The following LCOR variants were observed in gnomAD, a reference collection of about 807,000 sequenced individuals.
LCOR encodes ligand-dependent corepressor.
A neutral mutation model predicts 64.4 loss-of-function variants in LCOR; 14 were observed. The ratio of observed to expected loss-of-function variants is 0.22; its 90% CI spans 0.14 to 0.34. LCOR has a LOEUF of 0.34. Ranked by LOEUF, LCOR falls within the 10% of genes least tolerant of loss-of-function variation. The probability of loss-of-function intolerance (pLI) is 1.00; values close to 1 mark genes in which losing one functional copy is unlikely to be tolerated. For synonymous variants in LCOR, 643 were observed against 642.5 expected (o/e 1.00, Z -0.01); for missense variants, 1,686 against 1,765.3 (o/e 0.96, Z 0.80).
intron 2 of LCOR, among the ~76,000 whole-genome samples, chr10:96,849,416 C>T (rs1016835065): frequency 6.6e-6 from 1 of 152,050 alleles, no homozygotes; most frequent in Admixed American, 6.6e-5. Flanking sequence ...TGCCATGTCA[C>T]CCAGGCTGGT....
rs1410231093 is a variant in LCOR, at chr10:96,948,555, C to T, written c.-50-453C>T. ...ATCTCCTTTTATAATCTTGGTATGC[C>T]TTCTGTCTTTAATATAAAGTAAATT... On this transcript the variant is annotated intron_variant, in intron 5 of 7. Transcript: ENST00000421806. Among the ~76,000 whole-genome samples, 14 of 152,218 alleles carry T rather than the reference C, an allele frequency of 9.2e-5. No individual in the cohort carries two copies. In the South Asian group the frequency reaches 2.5e-3, roughly 27 times the overall value.
chr10:96,869,166 C>T (rs779309316), intron 2 of LCOR, among the ~76,000 whole-genome samples: 2 of 152,132 alleles, frequency 1.3e-5, no homozygotes, highest in South Asian at 2.1e-4. Flanking sequence ...TTCGGCCTCC[C>T]AAAGTGCTGG....
At chr10:96,857,236 A>C (rs17112175) in intron 2 of LCOR, among the ~76,000 whole-genome samples, 21,006 of 152,144 alleles carry the variant, frequency 0.14, 1,965 homozygotes, top group African/African-American at 0.26. Flanking sequence ...TGATTTAAGT[A>C]AGTAGAAGAG....
rs1348122554 is a variant in LCOR at position 96,988,159 on chromosome 10, C to CT, written c.*3026dup. ...ATCTTCTATCCTACGAGACTCCCTG[C>CT]TATAGATGGACATGCAGGAGACCAC... On this transcript the variant is annotated 3_prime_UTR_variant, in exon 8 of 8. Coordinates refer to ENST00000421806, the MANE Select transcript of LCOR (RefSeq NM_001346516.2). 2.6e-5 allele frequency: 4 copies of CT among 152,248 alleles called. No homozygotes were observed. Among genetic ancestry groups the CT allele is most frequent in the African/African-American group, 9.6e-5 (4 of 41,456 alleles). The allele number at this position is 152,248 out of a possible 1,614,324, so 9.4% of individuals were successfully genotyped here. A position where few individuals can be genotyped will look rare whatever the true frequency, so the allele number is the denominator to read the frequency against.
intron 2 of LCOR, among the ~76,000 whole-genome samples, chr10:96,901,195 TAATAA>T (rs1054397999): frequency 4.6e-5 from 7 of 151,670 alleles, no homozygotes; most frequent in Admixed American, 6.6e-5. Flanking sequence ...AAAAAAAAAA[TAATAA>T]AATAAAAAGA....
chr10:96,955,306 C>T (rs199809089), intron 7 of LCOR: 42 of 1,613,878 alleles, frequency 2.6e-5, no homozygotes, highest in Non-Finnish European at 1.7e-6. Context: ...GAAAACTCTG[C>T]CTTTCCAAAA....
At chr10:96,906,272 T>C (rs1354542762) in intron 2 of LCOR, among the ~76,000 whole-genome samples, 1 of 152,186 alleles carries the variant, frequency 6.6e-6, no homozygotes, top group Non-Finnish European at 1.5e-5. Context: ...AAAAGTAGTA[T>C]GTATACTGAA....
rs1177925260 is a variant in LCOR, at chr10:96,985,960, G to A, written c.*826G>A. ...CCTGCAAGGCTTCCATCCTACTTCG[G>A]GAGGAAAAAGCCTAGGATTTTTTTT... On this transcript the variant is annotated 3_prime_UTR_variant, in exon 8 of 8. Coordinates refer to ENST00000421806, the MANE Select transcript of LCOR (RefSeq NM_001346516.2). The A allele has an allele frequency of 1.2e-5, 2 of 166,690 alleles. No individual in the cohort carries two copies. The highest frequency in any genetic ancestry group is 2.4e-5 in the African/African-American group (1 of 41,336). The allele number at this position is 166,690 out of a possible 1,614,324, so 10.3% of individuals were successfully genotyped here.
Position 96,981,510 on chromosome 10 carries a change from G to A in LCOR, c.1050G>A (p.Glu350=), listed in dbSNP as rs768692125. ...ATTTGTTCAAAGCTTTATCAGAAGA[G>A]GCTTGGAACTCAGGGTTTATGGGGA... is the stretch of plus-strand genomic sequence containing the variant. ...QRNLFKALSE[E]AWNSGFMGNS... The change falls in exon 8 of 8, where the codon GAG becomes GAA. Residue 350 remains glutamate (E), a synonymous_variant. Coordinates refer to ENST00000421806, the MANE Select transcript of LCOR (RefSeq NM_001346516.2). 26 of 1,614,184 alleles carry A rather than the reference G, an allele frequency of 1.6e-5. No individual in the cohort carries two copies. Among genetic ancestry groups the A allele is most frequent in the Non-Finnish European group, 2.1e-5 (25 of 1,180,034 alleles).
intron 2 of LCOR, among the ~76,000 whole-genome samples, chr10:96,886,156 G>T (rs900181101): frequency 6.6e-6 from 1 of 152,124 alleles, no homozygotes; most frequent in South Asian, 2.1e-4. Flanking sequence ...GGGATTACAG[G>T]TATGAGCCAC....
chr10:96,885,071 A>G (rs145149294), intron 2 of LCOR, among the ~76,000 whole-genome samples: 73 of 152,340 alleles, frequency 4.8e-4, no homozygotes, highest in African/African-American at 1.6e-3. Context: ...GGTCCCACCA[A>G]TAAACCTATC....
At chr10:96,973,268 A>T (rs1393149749) in intron 7 of LCOR, among the ~76,000 whole-genome samples, 5 of 152,162 alleles carry the variant, frequency 3.3e-5, no homozygotes, top group Non-Finnish European at 5.9e-5. Flanking sequence ...GTGGAAAGAA[A>T]AGTTTGTTCA....
intron 4 of LCOR, among the ~76,000 whole-genome samples, chr10:96,919,368 T>C (rs924554172): frequency 1.3e-5 from 2 of 152,174 alleles, no homozygotes; most frequent in African/African-American, 4.8e-5. Context: ...CATTAGACTT[T>C]CTTTGTTCTT....
At chr10:96,963,981 G>A (rs1339696678) in intron 7 of LCOR, 1 of 152,070 alleles carries the variant, frequency 6.6e-6, no homozygotes, top group Non-Finnish European at 1.5e-5. Flanking sequence ...ACAGTTTGAT[G>A]GAATTGTATA....
intron 4 of LCOR, among the ~76,000 whole-genome samples, chr10:96,928,738 C>A (rs186319258): frequency 3.0e-4 from 46 of 152,286 alleles, no homozygotes; most frequent in Non-Finnish European, 5.3e-4. Flanking sequence ...TCAGAGGAAT[C>A]ACCAGCTATG....
intron 2 of LCOR, among the ~76,000 whole-genome samples, chr10:96,893,335 C>G (rs1367341133): frequency 6.6e-6 from 1 of 152,158 alleles, no homozygotes; most frequent in Admixed American, 6.5e-5. Flanking sequence ...ACCTCTCTGC[C>G]TTCTTTGCTT....
intron 2 of LCOR, among the ~76,000 whole-genome samples, chr10:96,869,199 G>T (rs981771799): frequency 4.6e-5 from 7 of 151,994 alleles, no homozygotes; most frequent in Non-Finnish European, 1.0e-4. Context: ...GAGCTACTGT[G>T]CCTGGCCTGT....
At chr10:96,880,865 T>C (rs180747928) in intron 2 of LCOR, among the ~76,000 whole-genome samples, 1 of 152,368 alleles carries the variant, frequency 6.6e-6, no homozygotes, top group East Asian at 1.9e-4. Context: ...TTGTTTCTTA[T>C]ATTGAACGTA....
intron 6 of LCOR, 107 bp from the exon 7 acceptor site, chr10:96,951,996 T>G (rs1259697017): frequency 4.8e-5 from 33 of 691,084 alleles, no homozygotes; most frequent in Non-Finnish European, 7.9e-5. Flanking sequence ...CTAGCATATC[T>G]GCTTAGTTGA....
Sources: allele counts gnomAD v4.1 joint callset (sites outside exome capture counted in the v4.1 genomes callset), GRCh38; gene constraint gnomAD v4.1.1; transcripts MANE v1.5; gene names NCBI Gene and HGNC (gene_info 2026-07-23, HGNC 2026-07-21).